EMC1: variants seen among roughly 807,000 people sequenced by gnomAD.
EMC1 encodes the protein KIAA0090.
In EMC1, 103 loss-of-function variants were observed where a neutral mutation model predicts 128.8. The ratio of observed to expected loss-of-function variants is 0.80; its 90% CI spans 0.68 to 0.94. EMC1 has a LOEUF of 0.94. EMC1 is among the 40% of genes least tolerant of loss of function. EMC1 has a pLI of 0.00. For missense variants in EMC1, 1,083 were observed against 1,250.6 expected, an observed-to-expected ratio of 0.87 and a Z score of 2.02; for synonymous variants, 442 against 490.4, an observed-to-expected ratio of 0.90 and a Z score of 1.30.
chr1:19,236,696 G>A (rs182982366), intron 12 of EMC1, among the ~76,000 whole-genome samples: 5 of 148,436 alleles, frequency 3.4e-5, no homozygotes, highest in Non-Finnish European at 5.9e-5. Context: ...GGCCAGGCAC[G>A]GTGGCTCACA....
chr1:19,222,243 T>G (rs2093436861), intron 20 of EMC1, among the ~76,000 whole-genome samples: 1 of 152,066 alleles, frequency 6.6e-6, no homozygotes, highest in South Asian at 2.1e-4. Context: ...GAGGATCACA[T>G]GAGCCCAGGA....
At chr1:19,225,899 A>G (rs1224801561) in intron 18 of EMC1, among the ~76,000 whole-genome samples, 1 of 151,964 alleles carries the variant, frequency 6.6e-6, no homozygotes, top group African/African-American at 2.4e-5. Context: ...TTTACATGTT[A>G]TCATTAATCT....
At chr1:19,220,547 T>C (rs1241800656) in intron 21 of EMC1, 1 of 406,950 alleles carries the variant, frequency 2.5e-6, no homozygotes, top group African/African-American at 2.0e-5. Flanking sequence ...GTACCTAACA[T>C]AGTATATATT....
At position 19,219,460 on chromosome 1, in the gene EMC1, A is replaced by G. The variant is rs1023507564; in HGVS notation, c.2825T>C (p.Ile942Thr). 6.2e-7 allele frequency: 1 copy of G among 1,614,010 alleles called. No individual in the cohort carries two copies. The highest frequency in any genetic ancestry group is 8.5e-7 in the Non-Finnish European group (1 of 1,180,008). The change falls in exon 23 of 23, where the codon ATT (isoleucine) becomes ACT (threonine). Residue 942 changes from isoleucine to threonine, a missense_variant. Physicochemically the swap from Ile to Thr is moderately conservative, Grantham distance 89. Transcript: ENST00000477853. ...GGATGGGTAGACTCGAGTTTGGTAA[A>G]TGTCCAAACCATAGGCCACAACCTG... ...TCLVVAYGLD[I>T]YQTRVYPSKQ...
At chr1:19,241,441 A>C (rs1000371126) in intron 5 of EMC1, among the ~76,000 whole-genome samples, 1 of 152,234 alleles carries the variant, frequency 6.6e-6, no homozygotes, top group African/African-American at 2.4e-5. Flanking sequence ...CCCTCCAGGC[A>C]GGCCAGGAGC....
Position 19,227,445 on chromosome 1 carries a change from G to C in EMC1, c.2070C>G (p.Leu690=), listed in dbSNP as rs755969608. ...RLCGYRLRKD[L]TTELSWELTI... ...TCAGCTCCCAACTCAGCTCAGTGGT[G>C]AGATCCTAGGGCAGGGGCAAAAAAG... is the stretch of plus-strand genomic sequence containing the variant. Residue 690 remains leucine, a synonymous_variant, in exon 18 of 23, where the codon CTC becomes CTG. Transcript: ENST00000477853. The C allele has an allele frequency of 6.2e-7, 1 of 1,614,066 alleles. No individual in the cohort carries two copies. Among genetic ancestry groups the C allele is most frequent in the African/African-American group, 1.3e-5 (1 of 74,924 alleles).
intron 18 of EMC1, 37 bp from the exon 19 acceptor site, chr1:19,223,606 C>A (rs710873): frequency 5.0e-6 from 8 of 1,596,960 alleles, no homozygotes; most frequent in Middle Eastern, 1.7e-4. Flanking sequence ...AGAACCACGA[C>A]GACTCATCAC....
In EMC1 at chr1:19,243,932, C is replaced by T. The variant is rs2294944; in HGVS notation, c.286+18G>A. 157 of 1,613,270 alleles carry T rather than the reference C, an allele frequency of 9.7e-5. No individual in the cohort carries two copies. Among genetic ancestry groups the T allele is most frequent in the Middle Eastern group, 1.7e-4 (1 of 6,024 alleles). Reference sequence around the variant, plus strand: ...GGGAGCTGGCCGCACAATGGAGACACGGGAGGACTCTGCTTACCCTGTCCG... The same window carrying T: ...GGGAGCTGGCCGCACAATGGAGACATGGGAGGACTCTGCTTACCCTGTCCG... On this transcript the variant is annotated intron_variant, in intron 3 of 22. Coordinates refer to ENST00000477853, the MANE Select transcript of EMC1 (RefSeq NM_015047.3).
At chr1:19,245,750 G>C (rs192991008) in intron 1 of EMC1, among the ~76,000 whole-genome samples, 3 of 147,580 alleles carry the variant, frequency 2.0e-5, no homozygotes, top group Non-Finnish European at 4.5e-5. Flanking sequence ...TCAGCCTCCC[G>C]AGTAGCTGGG....
At chr1:19,230,301 T>A (rs1426351149) in intron 17 of EMC1, among the ~76,000 whole-genome samples, 1 of 152,222 alleles carries the variant, frequency 6.6e-6, no homozygotes, top group Non-Finnish European at 1.5e-5. Flanking sequence ...CCAGGCGCGG[T>A]GGCTCACGCC....
chr1:19,245,742 A>G (rs2093629408), intron 1 of EMC1, among the ~76,000 whole-genome samples: 1 of 148,614 alleles, frequency 6.7e-6, no homozygotes, highest in African/African-American at 2.5e-5. Flanking sequence ...CTCCTATCTC[A>G]GCCTCCCGAG....
chr1:19,232,797 C>T, intron 14 of EMC1, 24 bp from the exon 15 acceptor site: 1 of 1,613,974 alleles, frequency 6.2e-7, no homozygotes, highest in Non-Finnish European at 8.5e-7. Context: ...AAATACTTGG[C>T]TCACTACTAG....
chr1:19,238,449 G>A lies in EMC1; in HGVS notation c.1090-310C>T, dbSNP rs889106455. 5.9e-5 allele frequency among the ~76,000 whole-genome samples: 9 copies of A among 152,190 alleles called. 1 individual carries two copies. Among genetic ancestry groups the A allele is most frequent in the African/African-American group, 2.2e-4 (9 of 41,438 alleles). ...AAGACAGGAGGCAGGGAAACGCTTA[G>A]ATGGAAGCCACAGCAGGAACCTATG... On this transcript the variant is annotated intron_variant, in intron 10 of 22. Transcript: ENST00000477853.
chr1:19,239,974 T>C lies in EMC1; in HGVS notation c.798A>G (p.Leu266=), dbSNP rs970006483. Reference sequence around the variant, plus strand: ...GGGGTTGGAATCCACTTCCAAATTCTAAGTCGAGAGACTGGAAGGCAAGAA... The same window carrying C: ...GGGGTTGGAATCCACTTCCAAATTCCAAGTCGAGAGACTGGAAGGCAAGAA... ...LRQIPLQSLD[L]EFGSGFQPRV... The change falls in exon 8 of 23, where the codon TTA becomes TTG. Residue 266 remains leucine (L), a synonymous_variant. Transcript: ENST00000477853. 1 of 1,611,984 alleles carries C rather than the reference T, an allele frequency of 6.2e-7. No individual in the cohort carries two copies. The highest frequency in any genetic ancestry group is 8.5e-7 in the Non-Finnish European group (1 of 1,178,612).
chr1:19,241,206 G>T, intron 5 of EMC1, 64 bp from the exon 6 acceptor site: 1 of 1,584,404 alleles, frequency 6.3e-7, no homozygotes, highest in Non-Finnish European at 8.6e-7. Context: ...ATCCTCAGGG[G>T]CTGCCAGGCC....
intron 1 of EMC1, among the ~76,000 whole-genome samples, chr1:19,250,018 G>C (rs2093649983): frequency 6.6e-6 from 1 of 151,988 alleles, no homozygotes; most frequent in Non-Finnish European, 1.5e-5. Flanking sequence ...GGGAGTTTGA[G>C]ACCAGCCTGA....
At chr1:19,226,054 G>A (rs577230192) in intron 18 of EMC1, among the ~76,000 whole-genome samples, 1 of 152,234 alleles carries the variant, frequency 6.6e-6, no homozygotes, top group South Asian at 2.1e-4. Flanking sequence ...TGTTGCACTG[G>A]CTCATGCTTA....
At position 19,223,576 on chromosome 1, in the gene EMC1, A is replaced by G. The variant is rs778360348; in HGVS notation, c.2203-7T>C. The G allele has an allele frequency of 6.2e-7, 1 of 1,613,002 alleles. No individual in the cohort carries two copies. Among genetic ancestry groups the G allele is most frequent in the Non-Finnish European group, 8.5e-7 (1 of 1,179,838 alleles). On this transcript the variant is annotated splice_polypyrimidine_tract_variant and splice_region_variant and intron_variant, in intron 18 of 22. Coordinates refer to ENST00000477853, the MANE Select transcript of EMC1 (RefSeq NM_015047.3). ...GCAGGTTGGGGTTCAGGCTCTGGAG[A>G]GAGAGAGAAAACCTCCCTTAGAACC...
chr1:19,229,477 C>A (rs1331054205), intron 17 of EMC1: 1 of 152,186 alleles, frequency 6.6e-6, no homozygotes, highest in Non-Finnish European at 1.5e-5. Context: ...CTTTGTCTTC[C>A]TTGGTCATTG....
Sources: gnomAD v4.1 joint callset for allele counts (sites outside exome capture counted in the v4.1 genomes callset) on GRCh38, gnomAD v4.1.1 for gene constraint, MANE v1.5 for transcripts, NCBI Gene and HGNC (gene_info 2026-07-23, HGNC 2026-07-21) for gene names.